The following TUBD1 variants were observed in gnomAD, a reference collection of about 807,000 sequenced individuals.
TUBD1 encodes tubulin delta chain.
Under a neutral mutation model 51.2 loss-of-function variants are expected in TUBD1, and 38 were observed. The observed-to-expected ratio is 0.74, with a 90% CI of 0.57 to 0.97. TUBD1 has a LOEUF of 0.97. TUBD1 is among the 50% of genes least tolerant of loss of function. TUBD1 has a pLI of 0.00. For synonymous variants in TUBD1, 169 were observed against 178.2 expected (o/e 0.95, Z 0.41); for missense variants, 489 against 538.4 (o/e 0.91, Z 0.91).
intron 4 of TUBD1, 81 bp downstream of exon 4, chr17:59,880,813 T>C (rs1241003953): frequency 7.4e-7 from 1 of 1,353,062 alleles, no homozygotes; most frequent in Non-Finnish European, 1.0e-6. Flanking sequence ...CGCACCTGGG[T>C]GGTGAGAGCA....
At chr17:59,886,008 C>T in intron 3 of TUBD1, 75 bp downstream of exon 3, 1 of 1,484,946 alleles carries the variant, frequency 6.7e-7, no homozygotes, top group South Asian at 1.2e-5. Flanking sequence ...ATCAACTATA[C>T]AGTTCTAACT....
Position 59,885,484 on chromosome 17 carries a change from A to G in TUBD1, c.320+599T>C, listed in dbSNP as rs149414495. On this transcript the variant is annotated intron_variant, in intron 3 of 8. Coordinates refer to ENST00000325752, the MANE Select transcript of TUBD1 (RefSeq NM_016261.4). ...CGTGGGACCAAAGCAGTATCCTTAC[A>G]ATAATCTGTACCTGGAACGAGGCGG... 924 of 1,576,816 alleles carry G rather than the reference A, an allele frequency of 5.9e-4. 20 individuals are homozygous for G. The East Asian group carries it at 0.02, about 34-fold the overall frequency.
chr17:59,884,329 C>T (rs2040618932), intron 3 of TUBD1, among the ~76,000 whole-genome samples: 1 of 151,174 alleles, frequency 6.6e-6, no homozygotes, highest in Non-Finnish European at 1.5e-5. Flanking sequence ...ATCCCAACAT[C>T]AGGCCAGGCG....
chr17:59,881,527 G>T (rs1282991849), intron 3 of TUBD1, among the ~76,000 whole-genome samples: 2 of 152,084 alleles, frequency 1.3e-5, no homozygotes, highest in African/African-American at 4.8e-5. Flanking sequence ...TAATATTTGG[G>T]GTTTTCATAG....
chr17:59,862,260 T>C (rs1598494846), intron 8 of TUBD1, among the ~76,000 whole-genome samples: 2 of 150,274 alleles, frequency 1.3e-5, no homozygotes, highest in Admixed American at 1.3e-4. Context: ...GAGGCAGAGG[T>C]TGCAGTGAGC....
chr17:59,870,586 A>G (rs1205440910), intron 6 of TUBD1, among the ~76,000 whole-genome samples: 2 of 152,018 alleles, frequency 1.3e-5, no homozygotes, highest in Non-Finnish European at 2.9e-5. Context: ...CCTGTAGAGA[A>G]CCTTTGGAAA....
Position 59,869,017 on chromosome 17 carries a change from AAAAAC to A in TUBD1, c.935-2273_935-2269del, listed in dbSNP as rs968386383. The stretch of plus-strand genomic sequence containing the variant: ...ACGTGACAGAGTGAAACCCCATCTC[AAAAAC>A]AAAACAAAACAAAATCTTCCCACAG... On this transcript the variant is annotated intron_variant, in intron 6 of 8. Coordinates refer to ENST00000325752, the MANE Select transcript of TUBD1 (RefSeq NM_016261.4). Among the ~76,000 whole-genome samples, 409 of 150,454 alleles carry A rather than the reference AAAAAC, an allele frequency of 2.7e-3. 3 individuals carry two copies. Among genetic ancestry groups the A allele is most frequent in the African/African-American group, 8.9e-3 (364 of 41,018 alleles).
chr17:59,872,202 C>T (rs1005646121), intron 6 of TUBD1, among the ~76,000 whole-genome samples: 1 of 152,148 alleles, frequency 6.6e-6, no homozygotes, highest in Non-Finnish European at 1.5e-5. Context: ...ACTTGTCCGC[C>T]TCGGCCTCCC....
intron 6 of TUBD1, 27 bp from the exon 7 acceptor site, chr17:59,866,776 G>A (rs1017981289): frequency 1.9e-6 from 3 of 1,570,572 alleles, no homozygotes; most frequent in East Asian, 2.3e-5. Context: ...AAAGCAAGAG[G>A]TTTTATTTTA....
intron 1 of TUBD1, 36 bp from the exon 2 acceptor site, chr17:59,891,077 C>T (rs1273141382): frequency 5.4e-6 from 6 of 1,104,866 alleles, no homozygotes; most frequent in Non-Finnish European, 7.8e-6. Context: ...AGAACCACTA[C>T]ATTACTAATA....
chr17:59,886,535 CAGG>C (rs1255994728), intron 2 of TUBD1: 1 of 192,440 alleles, frequency 5.2e-6, no homozygotes, highest in East Asian at 1.4e-4. Context: ...GAGGCTGAGG[CAGG>C]AGAACTGCTT....
chr17:59,861,009 TAC>T (rs1347499129), intron 8 of TUBD1, among the ~76,000 whole-genome samples: 2 of 151,886 alleles, frequency 1.3e-5, no homozygotes, highest in African/African-American at 4.8e-5. Context: ...TATATATATA[TAC>T]ATATATAACA....
chr17:59,871,100 T>A (rs148113324), intron 6 of TUBD1, among the ~76,000 whole-genome samples: 1 of 152,166 alleles, frequency 6.6e-6, no homozygotes, highest in Non-Finnish European at 1.5e-5. Flanking sequence ...GATAGAGCAA[T>A]GGCTTCGAAA....
At chr17:59,881,471 GA>G (rs773121745) in intron 3 of TUBD1, among the ~76,000 whole-genome samples, 1 of 152,178 alleles carries the variant, frequency 6.6e-6, no homozygotes, top group Non-Finnish European at 1.5e-5. Flanking sequence ...GGAATTTACA[GA>G]GTATAGAAAG....
chr17:59,867,982 G>T (rs1348695670), intron 6 of TUBD1, among the ~76,000 whole-genome samples: 3 of 151,798 alleles, frequency 2.0e-5, no homozygotes, highest in Non-Finnish European at 4.4e-5. Context: ...TAACTTCAAG[G>T]CTGGGCATGG....
chr17:59,869,471 T>TC (rs149339811), intron 6 of TUBD1, among the ~76,000 whole-genome samples: 5 of 130,896 alleles, frequency 3.8e-5, no homozygotes, highest in African/African-American at 5.8e-5. Flanking sequence ...CAAGATTCTG[T>TC]CCCCCCCGCC....
chr17:59,868,707 C>T lies in TUBD1; in HGVS notation c.935-1958G>A, dbSNP rs372312091. On this transcript the variant is annotated intron_variant, in intron 6 of 8. Coordinates refer to ENST00000325752, the MANE Select transcript of TUBD1 (RefSeq NM_016261.4). Reference sequence around the variant, plus strand: ...CAAAAATTAGCTGGGCGTGGTGGCACACGCCTGTAGTCCCAGCTACTCAGG... The same window carrying T: ...CAAAAATTAGCTGGGCGTGGTGGCATACGCCTGTAGTCCCAGCTACTCAGG... Among the ~76,000 whole-genome samples, 74 of 151,978 alleles carry T rather than the reference C, an allele frequency of 4.9e-4. No individual in the cohort carries two copies. In the South Asian group the frequency reaches 9.0e-3, roughly 18 times the overall value.
intron 4 of TUBD1, 74 bp downstream of exon 4, chr17:59,880,820 A>C: frequency 2.1e-6 from 3 of 1,427,248 alleles, no homozygotes; most frequent in Non-Finnish European, 2.9e-6. Flanking sequence ...GGGTGGTGAG[A>C]GCAATCTTTT....
chr17:59,866,950 G>A (rs887991206), intron 6 of TUBD1, among the ~76,000 whole-genome samples: 1 of 151,900 alleles, frequency 6.6e-6, no homozygotes, highest in Non-Finnish European at 1.5e-5. Context: ...GTGCCATCAC[G>A]CCCAGCTAAT....
Sources: allele counts gnomAD v4.1 joint callset (sites outside exome capture counted in the v4.1 genomes callset), GRCh38; gene constraint gnomAD v4.1.1; transcripts MANE v1.5; gene names NCBI Gene and HGNC (gene_info 2026-07-23, HGNC 2026-07-21).